Variants in EYS observed in about 807,000 individuals in gnomAD.
EYS encodes protein eyes shut homolog.
Under a neutral mutation model 282.1 loss-of-function variants are expected in EYS, and 250 were observed. That is an observed-to-expected ratio of 0.89 (90% CI 0.80 to 0.98). EYS has a LOEUF of 0.98. Ranked by LOEUF, EYS falls within the 50% of genes least tolerant of loss-of-function variation. The pLI, the probability that EYS is intolerant of heterozygous loss-of-function variation, is 0.00. For missense variants in EYS, 4,016 were observed against 3,709.0 expected (o/e 1.08, Z -2.15); for synonymous variants, 1,355 against 1,282.9 (o/e 1.06, Z -1.20).
intron 22 of EYS, among the ~76,000 whole-genome samples, chr6:64,776,569 T>A (rs1361243385): frequency 6.6e-6 from 1 of 152,054 alleles, no homozygotes; most frequent in African/African-American, 2.4e-5. Flanking sequence ...CTGCTCTTTG[T>A]GTGTAGTTAT....
At position 65,479,396 on chromosome 6, in the gene EYS, G is replaced by T. The variant is rs182514150; in HGVS notation, c.862+11198C>A. 2.0e-3 allele frequency among the ~76,000 whole-genome samples: 310 copies of T among 152,194 alleles called. 2 individuals are homozygous for T. Among genetic ancestry groups the T allele is most frequent in the African/African-American group, 7.2e-3 (299 of 41,518 alleles). On this transcript the variant is annotated intron_variant, in intron 5 of 42. Coordinates refer to ENST00000503581, the MANE Select transcript of EYS (RefSeq NM_001142800.2). ...GAATTGTCAGAACAATCTTAATAAA[G>T]ACTAAGAAACTGGAAGATTTGTTTT... is the stretch of plus-strand genomic sequence containing the variant.
In EYS at chr6:65,253,562, A is replaced by T. The variant is rs192834819; in HGVS notation, c.2023+42301T>A. Among the ~76,000 whole-genome samples the T allele has an allele frequency of 8.0e-3, 1,219 of 151,972 alleles. 5 individuals are homozygous for T. Among genetic ancestry groups the T allele is most frequent in the Non-Finnish European group, 0.011 (776 of 67,842 alleles). On this transcript the variant is annotated intron_variant, in intron 12 of 42. Transcript: ENST00000503581. ...TTCTGATGTAATGCATAAGACTGAG[A>T]TATTTTATAAGTCATATACATATTA...
chr6:64,873,776 TA>T lies in EYS; in HGVS notation c.2992+12920del, dbSNP rs200352614. Among the ~76,000 whole-genome samples the T allele has an allele frequency of 7.8e-3, 1,181 of 152,060 alleles. 13 individuals are homozygous for T. Among genetic ancestry groups the T allele is most frequent in the African/African-American group, 0.026 (1,092 of 41,518 alleles). Reference sequence around the variant, plus strand: ...AATCTTTCAACAATGTTTACATAAATAAAAAAACATCATATTGTGCCTCATA... The same window carrying T: ...AATCTTTCAACAATGTTTACATAAATAAAAAACATCATATTGTGCCTCATA... On this transcript the variant is annotated intron_variant, in intron 19 of 42. Coordinates refer to ENST00000503581, the MANE Select transcript of EYS (RefSeq NM_001142800.2).
At chr6:64,690,871 C>A (rs1210120522) in intron 22 of EYS, among the ~76,000 whole-genome samples, 1 of 151,936 alleles carries the variant, frequency 6.6e-6, no homozygotes, top group African/African-American at 2.4e-5. Context: ...GGAGATATAC[C>A]TAATGTAAAT....
chr6:65,067,845 C>T lies in EYS; in HGVS notation c.2024-10118G>A, dbSNP rs529787929. On this transcript the variant is annotated intron_variant, in intron 12 of 42. Transcript: ENST00000503581. Reference sequence around the variant, plus strand: ...TAATTTTAATATCTTCTGTTATTTACATGTTATATAATGAGCATAGAGTCA... The same window carrying T: ...TAATTTTAATATCTTCTGTTATTTATATGTTATATAATGAGCATAGAGTCA... Among the ~76,000 whole-genome samples the T allele has an allele frequency of 8.9e-4, 135 of 152,092 alleles. 2 individuals are homozygous for T. In the South Asian group the frequency reaches 0.027, roughly 30 times the overall value.
chr6:65,570,966 C>T (rs959503398), intron 2 of EYS, among the ~76,000 whole-genome samples: 6 of 152,182 alleles, frequency 3.9e-5, no homozygotes, highest in African/African-American at 1.4e-4. Context: ...CTCCATTACA[C>T]ATGTACATTT....
intron 22 of EYS, among the ~76,000 whole-genome samples, chr6:64,651,749 T>A (rs1768569640): frequency 6.6e-6 from 1 of 152,200 alleles, no homozygotes; most frequent in Admixed American, 6.5e-5. Flanking sequence ...TAAGAGATTT[T>A]ATATATCACT....
At chr6:65,505,147 A>C (rs1418814415) in intron 2 of EYS, among the ~76,000 whole-genome samples, 1 of 151,906 alleles carries the variant, frequency 6.6e-6, no homozygotes. Context: ...GTGTCACTCA[A>C]GAAATTTGTC....
chr6:65,605,788 A>C (rs1765766313), intron 2 of EYS, among the ~76,000 whole-genome samples: 1 of 151,828 alleles, frequency 6.6e-6, no homozygotes, highest in Non-Finnish European at 1.5e-5. Flanking sequence ...GCTATGAAAA[A>C]TTATGTTGAA....
At chr6:64,670,308 G>A (rs2149895476) in intron 22 of EYS, among the ~76,000 whole-genome samples, 1 of 151,914 alleles carries the variant, frequency 6.6e-6, no homozygotes, top group East Asian at 1.9e-4. Context: ...CTGAGTTATG[G>A]CCTCTCCCCT....
chr6:65,299,913 A>G (rs1768770645), intron 11 of EYS, among the ~76,000 whole-genome samples: 2 of 152,088 alleles, frequency 1.3e-5, no homozygotes, highest in African/African-American at 4.8e-5. Context: ...TAAACACACC[A>G]AGCCCTTATA....
At chr6:64,654,304 C>T (rs1768671130) in intron 22 of EYS, among the ~76,000 whole-genome samples, 1 of 152,146 alleles carries the variant, frequency 6.6e-6, no homozygotes, top group Non-Finnish European at 1.5e-5. Context: ...TCTCTACTTG[C>T]TAGTGTTGAT....
intron 5 of EYS, among the ~76,000 whole-genome samples, chr6:65,470,008 C>G (rs16896687): frequency 5.9e-5 from 9 of 152,018 alleles, no homozygotes; most frequent in African/African-American, 1.9e-4. Context: ...AGATTAGATA[C>G]AAAATAATAC....
At chr6:65,394,367 C>T (rs1172993689) in intron 7 of EYS, among the ~76,000 whole-genome samples, 2 of 152,042 alleles carry the variant, frequency 1.3e-5, no homozygotes, top group East Asian at 3.9e-4. Flanking sequence ...AATTCAGAAA[C>T]CTACATGTCA....
intron 22 of EYS, among the ~76,000 whole-genome samples, chr6:64,806,454 A>G (rs1764429907): frequency 6.6e-6 from 1 of 152,010 alleles, no homozygotes; most frequent in Admixed American, 6.6e-5. Context: ...TAACAATATT[A>G]TAGGATATCG....
At chr6:63,915,368 G>A (rs900355828) in intron 35 of EYS, among the ~76,000 whole-genome samples, 2 of 152,138 alleles carry the variant, frequency 1.3e-5, no homozygotes, top group Admixed American at 6.5e-5. Flanking sequence ...GAGACCTACT[G>A]CTCAGAAAAA....
chr6:64,212,954 T>C (rs527519081), intron 31 of EYS, among the ~76,000 whole-genome samples: 1 of 152,256 alleles, frequency 6.6e-6, no homozygotes, highest in African/African-American at 2.4e-5. Context: ...ATCATGTCCT[T>C]TGCAGGAACA....
chr6:64,886,177 T>C (rs915504784), intron 19 of EYS, among the ~76,000 whole-genome samples: 8 of 151,964 alleles, frequency 5.3e-5, no homozygotes, highest in African/African-American at 1.2e-4. Flanking sequence ...TTTAGAGGGC[T>C]AATGCCTCTA....
chr6:64,788,643 C>A (rs998032429), intron 22 of EYS, among the ~76,000 whole-genome samples: 12 of 152,126 alleles, frequency 7.9e-5, no homozygotes, highest in Non-Finnish European at 2.9e-5. Context: ...TCCACACAAC[C>A]TGGCCTTCAC....
Sources: allele counts gnomAD v4.1 joint callset (sites outside exome capture counted in the v4.1 genomes callset), GRCh38; gene constraint gnomAD v4.1.1; transcripts MANE v1.5; gene names NCBI Gene and HGNC (gene_info 2026-07-23, HGNC 2026-07-21).